Variants in GPRC6A observed in about 807,000 individuals in gnomAD.
The protein encoded by GPRC6A is G protein-coupled receptor class C group 6 member A.
A neutral mutation model predicts 47.0 loss-of-function variants in GPRC6A; 54 were observed. The ratio of observed to expected loss-of-function variants is 1.15; its 90% confidence interval spans 0.92 to 1.44. GPRC6A has a LOEUF of 1.44. GPRC6A is among the 40% of genes most tolerant of loss of function. The probability of loss-of-function intolerance (pLI) is 0.00; values close to 1 mark genes in which losing one functional copy is unlikely to be tolerated. For missense variants in GPRC6A, 1,112 were observed against 1,105.5 expected (o/e 1.01, Z -0.08); for synonymous variants, 347 against 377.1 (o/e 0.92, Z 0.93).
At chr6:116,800,849 T>A in intron 3 of GPRC6A, 53 bp from the exon 4 acceptor site, 5 of 1,071,066 alleles carry the variant, frequency 4.7e-6, no homozygotes, top group Non-Finnish European at 7.1e-6. Context: ...TGCAAATGTA[T>A]CCATTATTCT....
rs1475897467 is a variant in GPRC6A, at chr6:116,792,873, T to A, written c.2050A>T (p.Ile684Phe). 1 of 1,613,998 alleles carries A rather than the reference T, an allele frequency of 6.2e-7. No homozygotes were observed. The highest frequency in any genetic ancestry group is 2.2e-5 in the East Asian group (1 of 44,866). Residue 684 changes from isoleucine (I) to phenylalanine (F), a missense_variant, in exon 6 of 6, where the codon ATT becomes TTT. Ile to Phe is a conservative substitution (Grantham distance 21). Coordinates refer to ENST00000310357, the MANE Select transcript of GPRC6A (RefSeq NM_148963.4). ...GGATCAAAGCTGAAGGCTAGCAAAATTTTCAGAGACTTCGTCAAAATGCAG... is the reference window on the plus strand; with the variant it reads ...GGATCAAAGCTGAAGGCTAGCAAAAATTTCAGAGACTTCGTCAAAATGCAG... ...ISCILTKSLK[I>F]LLAFSFDPKL...
chr6:116,817,502 A>T (rs1236949334), intron 1 of GPRC6A, among the ~76,000 whole-genome samples: 1 of 152,254 alleles, frequency 6.6e-6, no homozygotes, highest in East Asian at 1.9e-4. Flanking sequence ...AAAGGAACGC[A>T]GTTCCTCACC....
intron 1 of GPRC6A, among the ~76,000 whole-genome samples, chr6:116,827,031 A>G (rs1321922121): frequency 6.6e-6 from 1 of 151,928 alleles, no homozygotes; most frequent in East Asian, 1.9e-4. Context: ...TGACATTATA[A>G]AAGTACTAGA....
At position 116,800,573 on chromosome 6, in the gene GPRC6A, A is replaced by C; in HGVS notation, c.1548+11T>G. The C allele has an allele frequency of 3.7e-6, 6 of 1,600,134 alleles. No homozygotes were observed. Among genetic ancestry groups the C allele is most frequent in the Non-Finnish European group, 5.1e-6 (6 of 1,167,550 alleles). ...CTTTGAGTGCTACAAAACGGCCTAC[A>C]ACAAGGTTACCTTAAGATTCCTGAA... On this transcript the variant is annotated intron_variant, in intron 4 of 5. Coordinates refer to ENST00000310357, the MANE Select transcript of GPRC6A (RefSeq NM_148963.4).
intron 4 of GPRC6A, among the ~76,000 whole-genome samples, chr6:116,797,233 A>G (rs1582454186): frequency 6.6e-6 from 1 of 152,214 alleles, no homozygotes; most frequent in Admixed American, 6.5e-5. Flanking sequence ...TTATGGCTGC[A>G]TAGTATTCCA....
intron 1 of GPRC6A, among the ~76,000 whole-genome samples, chr6:116,824,860 G>A (rs1030798714): frequency 2.6e-5 from 4 of 151,872 alleles, no homozygotes; most frequent in Admixed American, 6.6e-5. Context: ...CTAGTGAACA[G>A]AATTCAACAG....
intron 1 of GPRC6A, among the ~76,000 whole-genome samples, chr6:116,816,047 A>G (rs1773195005): frequency 6.6e-6 from 1 of 152,212 alleles, no homozygotes; most frequent in African/African-American, 2.4e-5. Flanking sequence ...GAGCAAAAGG[A>G]AGAAAGAGAG....
At chr6:116,817,906 T>A (rs1232112086) in intron 1 of GPRC6A, among the ~76,000 whole-genome samples, 1 of 151,836 alleles carries the variant, frequency 6.6e-6, no homozygotes, top group Admixed American at 6.6e-5. Context: ...TACGTCTGAT[T>A]GGTGTACCTG....
At chr6:116,793,362 T>C (rs1772381372) in intron 5 of GPRC6A, 112 bp from the exon 6 acceptor site, 3 of 651,658 alleles carry the variant, frequency 4.6e-6, no homozygotes, top group Non-Finnish European at 7.3e-6. Flanking sequence ...AGAATAGATA[T>C]AGATGATTGT....
chr6:116,827,908 TAAAG>T lies in GPRC6A; in HGVS notation c.194+908_194+911del, dbSNP rs1562118092. Among the ~76,000 whole-genome samples the T allele has an allele frequency of 2.0e-5, 3 of 151,828 alleles. No homozygotes were observed. In the South Asian group the frequency reaches 6.2e-4, roughly 32 times the overall value. On this transcript the variant is annotated intron_variant, in intron 1 of 5. Transcript: ENST00000310357. ...GAGGCCTTGGGAAATACTTCGTTGA[TAAAG>T]AAAGAAAGGTAAGAGAAAAAACAAG...
At position 116,792,848 on chromosome 6, in the gene GPRC6A, G is replaced by T. The variant is rs1355380589; in HGVS notation, c.2075C>A (p.Pro692His). The stretch of plus-strand genomic sequence containing the variant: ...GCACTTCAGAAATTTCTGTAATTTG[G>T]GATCAAAGCTGAAGGCTAGCAAAAT... ...LKILLAFSFD[P>H]KLQKFLKCLY... The change falls in exon 6 of 6, where the codon CCC becomes CAC. Residue 692 changes from proline to histidine, a missense_variant. Physicochemically the swap from Pro to His is moderately conservative, Grantham distance 77. Transcript: ENST00000310357. The T allele has an allele frequency of 1.2e-6, 2 of 1,613,878 alleles. No homozygotes were observed. Among genetic ancestry groups the T allele is most frequent in the Non-Finnish European group, 1.7e-6 (2 of 1,179,958 alleles).
intron 1 of GPRC6A, among the ~76,000 whole-genome samples, chr6:116,825,856 A>T (rs1773661061): frequency 1.3e-5 from 2 of 152,022 alleles, no homozygotes; most frequent in East Asian, 3.8e-4. Context: ...AGATACATAG[A>T]TCATGGGAAA....
At chr6:116,803,374 G>A (rs1398968000) in intron 3 of GPRC6A, among the ~76,000 whole-genome samples, 1 of 152,036 alleles carries the variant, frequency 6.6e-6, no homozygotes, top group Non-Finnish European at 1.5e-5. Flanking sequence ...TCTTCTGCCT[G>A]AAAATGTCTT....
chr6:116,802,330 G>T (rs1258306950), intron 3 of GPRC6A, among the ~76,000 whole-genome samples: 5 of 152,022 alleles, frequency 3.3e-5, no homozygotes, highest in African/African-American at 1.2e-4. Flanking sequence ...GCTGTTAACT[G>T]CTTTTTCATA....
chr6:116,817,757 G>GATCAACTGGAAGAAAGGGT, intron 1 of GPRC6A, among the ~76,000 whole-genome samples: 1 of 152,220 alleles, frequency 6.6e-6, no homozygotes, highest in Admixed American at 6.5e-5. Flanking sequence ...GAGCCGATGC[G>GATCAACTGGAAGAAAGGGT]ATCAACTGGA....
chr6:116,809,794 T>G (rs1199600432), intron 1 of GPRC6A, among the ~76,000 whole-genome samples, 177 bp from the exon 2 acceptor site: 1 of 152,170 alleles, frequency 6.6e-6, no homozygotes, highest in Non-Finnish European at 1.5e-5. Context: ...AAGGGTAATA[T>G]AAGAACCCAC....
chr6:116,816,615 A>T (rs1230875678), intron 1 of GPRC6A, among the ~76,000 whole-genome samples: 1 of 152,162 alleles, frequency 6.6e-6, no homozygotes, highest in Non-Finnish European at 1.5e-5. Context: ...CTGCATTTCC[A>T]TCTGAGGTAC....
intron 1 of GPRC6A, among the ~76,000 whole-genome samples, chr6:116,823,131 G>A (rs1257236864): frequency 6.6e-6 from 1 of 151,874 alleles, no homozygotes; most frequent in Non-Finnish European, 1.5e-5. Flanking sequence ...TCTAACACAT[G>A]GCTGGGCTGC....
At chr6:116,809,952 G>T (rs965326998) in intron 1 of GPRC6A, among the ~76,000 whole-genome samples, 5 of 151,992 alleles carry the variant, frequency 3.3e-5, no homozygotes, top group Non-Finnish European at 7.4e-5. Context: ...CAAAATGCTT[G>T]CTTTTTAGAC....
Sources: gnomAD v4.1 joint callset for allele counts (sites outside exome capture counted in the v4.1 genomes callset) on GRCh38, gnomAD v4.1.1 for gene constraint, MANE v1.5 for transcripts, NCBI Gene and HGNC (gene_info 2026-07-23, HGNC 2026-07-21) for gene names.